The following SH3D19 variants were observed in gnomAD, a reference collection of about 807,000 sequenced individuals.
SH3D19 encodes SH3 domain containing 19, also known as SH3 domain-containing protein 19.
In SH3D19, 58 loss-of-function variants were observed where a neutral mutation model predicts 112.1. That is an observed-to-expected ratio of 0.52 (90% CI 0.42 to 0.64). The LOEUF is 0.64. Ranked by LOEUF, SH3D19 falls within the 30% of genes least tolerant of loss-of-function variation. The pLI, the probability that SH3D19 is intolerant of heterozygous loss-of-function variation, is 0.00. For missense variants in SH3D19, 1,090 were observed against 1,263.4 expected (o/e 0.86, Z 2.08); for synonymous variants, 391 against 448.5 (o/e 0.87, Z 1.62).
chr4:151,222,659 C>G (rs1489526661), intron 2 of SH3D19, among the ~76,000 whole-genome samples: 1 of 115,398 alleles, frequency 8.7e-6, no homozygotes, highest in Admixed American at 8.7e-5. Flanking sequence ...TCTTTGGTCT[C>G]TCTCTCTCTT....
Position 151,176,555 on chromosome 4 carries a change from T to C in SH3D19, c.508A>G (p.Ile170Val), listed in dbSNP as rs753858910. ...TTACTTTGAGGCAGATCGTTGTCTA[T>C]TTCTTCTGAAAAGTCAGTCTGAGTT... is the stretch of plus-strand genomic sequence containing the variant. The part of the protein sequence containing the change: ...SATQTDFSEE[I>V]DNDLPQTLQA... Residue 170 changes from isoleucine (I) to valine (V), a missense_variant, in exon 6 of 20, where the codon ATA becomes GTA. Physicochemically the swap from Ile to Val is conservative, Grantham distance 29. Coordinates refer to ENST00000604030, the MANE Select transcript of SH3D19 (RefSeq NM_001378122.1). The C allele has an allele frequency of 1.7e-4, 204 of 1,232,080 alleles. 1 individual carries two copies. The highest frequency in any genetic ancestry group is 2.0e-4 in the Non-Finnish European group (199 of 987,980). 76.3% of individuals were successfully genotyped at this position (1,232,080 alleles called of 1,614,324 possible).
intron 1 of SH3D19, among the ~76,000 whole-genome samples, chr4:151,239,151 G>A (rs1770362908): frequency 6.6e-6 from 1 of 152,042 alleles, no homozygotes; most frequent in African/African-American, 2.4e-5. Flanking sequence ...CCTCCACCTC[G>A]ACATCTATAT....
chr4:151,145,753 A>C (rs1337025233), intron 11 of SH3D19, among the ~76,000 whole-genome samples: 2 of 152,326 alleles, frequency 1.3e-5, no homozygotes, highest in East Asian at 3.9e-4. Flanking sequence ...CGATTGGCGT[A>C]ATGGTTAGGA....
intron 1 of SH3D19, among the ~76,000 whole-genome samples, chr4:151,263,954 A>G (rs1772572721): frequency 6.6e-6 from 1 of 152,114 alleles, no homozygotes; most frequent in Non-Finnish European, 1.5e-5. Context: ...CCACAGGTAC[A>G]CACCACCACT....
rs556420754 is a variant in SH3D19, at chr4:151,190,793, A to C, written c.153-3330T>G. 9.2e-5 allele frequency among the ~76,000 whole-genome samples: 14 copies of C among 152,286 alleles called. No homozygotes were observed. The East Asian group carries it at 2.7e-3, about 29-fold the overall frequency. On this transcript the variant is annotated intron_variant, in intron 2 of 19. Transcript: ENST00000604030. The stretch of plus-strand genomic sequence containing the variant: ...GTGCAGAAGGGAAATGTGGGGTCGG[A>C]GCCCCAACACAGAGTCCCTACTGGG...
intron 19 of SH3D19, among the ~76,000 whole-genome samples, chr4:151,126,494 T>A (rs946488248): frequency 1.3e-5 from 2 of 151,986 alleles, no homozygotes; most frequent in Non-Finnish European, 2.9e-5. Context: ...GGAAATAGAA[T>A]CATGAAAATA....
chr4:151,187,792 C>T (rs1762025656), intron 2 of SH3D19, among the ~76,000 whole-genome samples: 2 of 151,970 alleles, frequency 1.3e-5, no homozygotes, highest in Non-Finnish European at 2.9e-5. Context: ...AACTTTATTC[C>T]TTATGGCTCT....
At chr4:151,264,569 CACAA>C (rs763453949) in intron 1 of SH3D19, among the ~76,000 whole-genome samples, 6 of 151,952 alleles carry the variant, frequency 3.9e-5, no homozygotes, top group Non-Finnish European at 7.4e-5. Flanking sequence ...AGGCTGTCTT[CACAA>C]ACAGAGAGTA....
At chr4:151,202,504 T>C (rs1764536920) in intron 2 of SH3D19, among the ~76,000 whole-genome samples, 1 of 152,228 alleles carries the variant, frequency 6.6e-6, no homozygotes, top group Admixed American at 6.5e-5. Flanking sequence ...ATTCCAACTT[T>C]TAGTTGCACT....
At chr4:151,156,862 G>A (rs577731854) in intron 9 of SH3D19, among the ~76,000 whole-genome samples, 1 of 152,298 alleles carries the variant, frequency 6.6e-6, no homozygotes, top group South Asian at 2.1e-4. Context: ...ACAACCAACA[G>A]AGTGAAAAGA....
intron 2 of SH3D19, among the ~76,000 whole-genome samples, chr4:151,194,836 A>G (rs1442515378): frequency 6.6e-6 from 1 of 151,694 alleles, no homozygotes; most frequent in African/African-American, 2.4e-5. Flanking sequence ...CTTTAATCCC[A>G]GCACTTTGGG....
At chr4:151,123,792 C>T (rs779055614) in intron 19 of SH3D19, among the ~76,000 whole-genome samples, 1 of 151,962 alleles carries the variant, frequency 6.6e-6, no homozygotes, top group Non-Finnish European at 1.5e-5. Flanking sequence ...TACAATGGTC[C>T]CAGATGACTC....
chr4:151,177,631 G>A (rs898697191), intron 4 of SH3D19, among the ~76,000 whole-genome samples: 8 of 152,202 alleles, frequency 5.3e-5, no homozygotes. Flanking sequence ...TTAGAGGCGT[G>A]AGCCACTGCA....
chr4:151,211,706 C>G (rs6845482), intron 2 of SH3D19, among the ~76,000 whole-genome samples: 5,808 of 152,214 alleles, frequency 0.038, 325 homozygotes, highest in African/African-American at 0.13. Context: ...AGAAGATCAA[C>G]CCAGCCACAA....
At chr4:151,202,792 T>C (rs925188036) in intron 2 of SH3D19, among the ~76,000 whole-genome samples, 1 of 152,174 alleles carries the variant, frequency 6.6e-6, no homozygotes, top group Non-Finnish European at 1.5e-5. Flanking sequence ...GTAGCAAGTA[T>C]TTATATTTTA....
intron 1 of SH3D19, among the ~76,000 whole-genome samples, chr4:151,251,601 C>T (rs1465035829): frequency 2.0e-5 from 3 of 152,172 alleles, no homozygotes; most frequent in Non-Finnish European, 2.9e-5. Flanking sequence ...GCTTTACTCT[C>T]TACACCCCCT....
In SH3D19 at chr4:151,325,605, T is replaced by C. The variant is rs1580495771; in HGVS notation, c.-253A>G. 8.4e-6 allele frequency: 2 copies of C among 238,350 alleles called. No individual in the cohort carries two copies. Among genetic ancestry groups the C allele is most frequent in the Admixed American group, 5.7e-5 (1 of 17,638 alleles). 14.8% of individuals were successfully genotyped at this position (238,350 alleles called of 1,614,324 possible). A position where few individuals can be genotyped will look rare whatever the true frequency, so the allele number is the denominator to read the frequency against. ...GGCGTCCCGGCGGCCTCTTAATCCC[T>C]GGCCTTTCCCACTCCCACTCCCGCT... On this transcript the variant is annotated 5_prime_UTR_variant, in exon 1 of 20. Coordinates refer to ENST00000604030, the MANE Select transcript of SH3D19 (RefSeq NM_001378122.1).
chr4:151,269,917 T>C (rs146710869), intron 1 of SH3D19, among the ~76,000 whole-genome samples: 4,573 of 152,248 alleles, frequency 0.03, 205 homozygotes, highest in African/African-American at 0.1. Flanking sequence ...ATCATCAGTA[T>C]CACTGTCTTC....
At chr4:151,225,205 T>A (rs953734331) in intron 2 of SH3D19, among the ~76,000 whole-genome samples, 1 of 152,146 alleles carries the variant, frequency 6.6e-6, no homozygotes, top group African/African-American at 2.4e-5. Context: ...ACCAGAGCAG[T>A]CAATCCAATG....
Sources: allele counts gnomAD v4.1 joint callset (sites outside exome capture counted in the v4.1 genomes callset), GRCh38; gene constraint gnomAD v4.1.1; transcripts MANE v1.5; gene names NCBI Gene and HGNC (gene_info 2026-07-23, HGNC 2026-07-21).